The following MLLT3 variants were observed in gnomAD, a reference collection of about 807,000 sequenced individuals.
MLLT3 encodes the protein MLLT3 super elongation complex subunit.
A neutral mutation model predicts 53.2 loss-of-function variants in MLLT3; 4 were observed. That is an observed-to-expected ratio of 0.08 (90% CI 0.04 to 0.17). The LOEUF (loss-of-function observed/expected upper bound fraction) is 0.17. Ranked by LOEUF, MLLT3 falls within the 10% of genes least tolerant of loss-of-function variation. The pLI is 1.00. For missense variants in MLLT3, 569 were observed against 684.0 expected (o/e 0.83, Z 1.87); for synonymous variants, 283 against 230.6 (o/e 1.23, Z -2.06).
chr9:20,514,192 A>G (rs1817841399), intron 2 of MLLT3, among the ~76,000 whole-genome samples: 1 of 152,156 alleles, frequency 6.6e-6, no homozygotes, highest in East Asian at 1.9e-4. Flanking sequence ...AGTGGAGAAC[A>G]AGGAGGATAC....
intron 4 of MLLT3, among the ~76,000 whole-genome samples, chr9:20,437,400 A>T (rs1823431782): frequency 6.6e-6 from 1 of 152,192 alleles, no homozygotes; most frequent in African/African-American, 2.4e-5. Flanking sequence ...AATTAAGTGT[A>T]CGTATATAAG....
Position 20,380,806 on chromosome 9 carries a change from C to G in MLLT3, c.1126-15062G>C, listed in dbSNP as rs190795774. On this transcript the variant is annotated intron_variant, in intron 5 of 10. Transcript: ENST00000380338. ...TGAAATGCGTAACAGAGTACATTCT[C>G]TTTTCTAGCTGGCTGCTGGAAACTT... Among the ~76,000 whole-genome samples the G allele has an allele frequency of 2.6e-4, 40 of 152,112 alleles. No individual in the cohort carries two copies. In the East Asian group the frequency reaches 4.8e-3, roughly 18 times the overall value.
chr9:20,607,384 T>G (rs1820597257), intron 2 of MLLT3, among the ~76,000 whole-genome samples: 1 of 152,136 alleles, frequency 6.6e-6, no homozygotes. Flanking sequence ...GTATACACCT[T>G]AATCCTGAAG....
In MLLT3 at chr9:20,620,560, G is replaced by GC; in HGVS notation, c.193+93dup. Reference sequence around the variant, plus strand: ...CCGAGGCTACGCCGGCGAGCGCGGCGCGGGGGGCGGGGAGCGGGACAGCGG... The same window carrying GC: ...CCGAGGCTACGCCGGCGAGCGCGGCGCCGGGGGGCGGGGAGCGGGACAGCGG... On this transcript the variant is annotated intron_variant, in intron 2 of 10. Coordinates refer to ENST00000380338, the MANE Select transcript of MLLT3 (RefSeq NM_004529.4). This position sits in a 1 kb window ranked among gnomAD's most constrained non-coding sequence, Gnocchi z 6.1. 1.7e-6 allele frequency: 2 copies of GC among 1,155,150 alleles called. No individual in the cohort carries two copies. Among genetic ancestry groups the GC allele is most frequent in the Non-Finnish European group, 2.3e-6 (2 of 871,086 alleles). The allele number at this position is 1,155,150 out of a possible 1,614,324, so 71.6% of individuals were successfully genotyped here. A position where few individuals can be genotyped will look rare whatever the true frequency, so the allele number is the denominator to read the frequency against.
intron 2 of MLLT3, among the ~76,000 whole-genome samples, chr9:20,600,705 A>T (rs1820399049): frequency 6.6e-6 from 1 of 152,136 alleles, no homozygotes; most frequent in Non-Finnish European, 1.5e-5. Context: ...TCTTCTTTCA[A>T]AGCCAGAACT....
chr9:20,347,239 A>C (rs889674528), intron 10 of MLLT3, among the ~76,000 whole-genome samples: 1 of 152,168 alleles, frequency 6.6e-6, no homozygotes, highest in Admixed American at 6.5e-5. Flanking sequence ...CTTGGTGAAA[A>C]TGTATCTACC....
chr9:20,365,184 G>A (rs1171144495), intron 6 of MLLT3, among the ~76,000 whole-genome samples: 1 of 152,184 alleles, frequency 6.6e-6, no homozygotes, highest in African/African-American at 2.4e-5. Flanking sequence ...CCGGAAAAAG[G>A]GGAATTTCTA....
intron 2 of MLLT3, among the ~76,000 whole-genome samples, chr9:20,592,606 C>T (rs183805070): frequency 2.3e-4 from 35 of 152,252 alleles, no homozygotes; most frequent in Middle Eastern, 3.4e-3. Flanking sequence ...CTTCAACATA[C>T]GAATTTGTGG....
intron 10 of MLLT3, 88 bp from the exon 11 acceptor site, chr9:20,346,662 G>T: frequency 8.0e-7 from 1 of 1,251,812 alleles, no homozygotes; most frequent in Non-Finnish European, 1.1e-6. Context: ...ATCAAATATG[G>T]AATCAAGTGA....
intron 2 of MLLT3, among the ~76,000 whole-genome samples, chr9:20,533,674 T>C (rs1309742073): frequency 6.6e-6 from 1 of 152,242 alleles, no homozygotes; most frequent in East Asian, 1.9e-4. Flanking sequence ...CATCCACAGA[T>C]GAATAAACTG....
In MLLT3 at chr9:20,559,355, T is replaced by C. The variant is rs567399902; in HGVS notation, c.193+61299A>G. On this transcript the variant is annotated intron_variant, in intron 2 of 10. Coordinates refer to ENST00000380338, the MANE Select transcript of MLLT3 (RefSeq NM_004529.4). ...AAACATAAAATAAACAAAGCTTTTG[T>C]TAACTGGTTAAAGTAAGTGGTGTTC... Among the ~76,000 whole-genome samples the C allele has an allele frequency of 3.3e-4, 51 of 152,326 alleles. 1 individual carries two copies. The highest frequency in any genetic ancestry group is 1.1e-3 in the African/African-American group (45 of 41,574).
intron 2 of MLLT3, among the ~76,000 whole-genome samples, chr9:20,517,434 T>G (rs1817942379): frequency 6.6e-6 from 1 of 151,208 alleles, no homozygotes; most frequent in Admixed American, 6.6e-5. Flanking sequence ...GTCAGCCTAG[T>G]GACAGAGTGA....
At chr9:20,619,374 T>C (rs913713896) in intron 2 of MLLT3, among the ~76,000 whole-genome samples, 3 of 152,142 alleles carry the variant, frequency 2.0e-5, no homozygotes, top group Non-Finnish European at 4.4e-5. Flanking sequence ...TACTTCCCAT[T>C]ACATGAGCTC....
rs1017934329 is a variant in MLLT3, at chr9:20,513,395, G to A, written c.194-56609C>T. On this transcript the variant is annotated intron_variant, in intron 2 of 10. Coordinates refer to ENST00000380338, the MANE Select transcript of MLLT3 (RefSeq NM_004529.4). ...AAACATGTGAAATACCAGAAGCAAC[G>A]TACGACAAATTGGTGAGAGGAGGAG... is the stretch of plus-strand genomic sequence containing the variant. 7.2e-5 allele frequency among the ~76,000 whole-genome samples: 11 copies of A among 152,242 alleles called. No homozygotes were observed. In the East Asian group the frequency reaches 9.7e-4, roughly 13 times the overall value.
At chr9:20,559,068 A>G (rs1197007489) in intron 2 of MLLT3, among the ~76,000 whole-genome samples, 1 of 151,464 alleles carries the variant, frequency 6.6e-6, no homozygotes, top group Non-Finnish European at 1.5e-5. Context: ...TGGCCCAGGA[A>G]CCCTGTAGCA....
At chr9:20,615,283 A>C (rs1403131666) in intron 2 of MLLT3, among the ~76,000 whole-genome samples, 3 of 139,662 alleles carry the variant, frequency 2.1e-5, no homozygotes, top group African/African-American at 7.8e-5. Context: ...GGATGGCTTG[A>C]GTCCAGGAGA....
intron 2 of MLLT3, among the ~76,000 whole-genome samples, chr9:20,525,778 C>G (rs550631664): frequency 1.3e-5 from 2 of 152,174 alleles, no homozygotes; most frequent in African/African-American, 4.8e-5. Context: ...TCAGTCCAGG[C>G]TTTTAATACC....
chr9:20,488,787 G>A (rs1234554212), intron 2 of MLLT3, among the ~76,000 whole-genome samples: 1 of 152,154 alleles, frequency 6.6e-6, no homozygotes, highest in African/African-American at 2.4e-5. Context: ...AAATTGTACT[G>A]CCAGATAAGG....
At chr9:20,531,290 C>T (rs879419501) in intron 2 of MLLT3, among the ~76,000 whole-genome samples, 2 of 151,940 alleles carry the variant, frequency 1.3e-5, no homozygotes, top group African/African-American at 2.4e-5. Flanking sequence ...CGTATGCCAC[C>T]ACGCCCAAGT....
Sources: gnomAD v4.1 joint callset for allele counts (sites outside exome capture counted in the v4.1 genomes callset) on GRCh38, gnomAD v4.1.1 for gene constraint, Gnocchi (gnomAD v3.1) non-coding constraint, MANE v1.5 for transcripts, NCBI Gene and HGNC (gene_info 2026-07-23, HGNC 2026-07-21) for gene names.